The following SMOC2 variants were observed in gnomAD, a reference collection of about 807,000 sequenced individuals.
SMOC2 encodes SPARC-related modular calcium-binding protein 2.
A neutral mutation model predicts 61.4 loss-of-function variants in SMOC2; 39 were observed. The observed-to-expected ratio is 0.64, with a 90% CI of 0.49 to 0.83. SMOC2 has a LOEUF of 0.83. Among genes scored for constraint, SMOC2 ranks in the 40% least tolerant of loss-of-function variants. The pLI is 0.00. For synonymous variants in SMOC2, 247 were observed against 239.9 expected (o/e 1.03, Z -0.27); for missense variants, 556 against 592.9 (o/e 0.94, Z 0.65).
intron 3 of SMOC2, among the ~76,000 whole-genome samples, chr6:168,527,049 C>A (rs1400949558): frequency 1.3e-5 from 2 of 152,178 alleles, no homozygotes; most frequent in African/African-American, 4.8e-5. Context: ...GCAGAAAGAG[C>A]AGAAAAAACA....
At chr6:168,523,079 A>ATTCTTTTTTT (rs551183247) in intron 2 of SMOC2, among the ~76,000 whole-genome samples, 3,590 of 93,554 alleles carry the variant, frequency 0.038, 1,118 homozygotes, top group East Asian at 0.21. Flanking sequence ...TTGTACAGTA[A>ATTCTTTTTTT]TTTTTTTTTT....
At chr6:168,516,704 G>A (rs568016276) in intron 2 of SMOC2, among the ~76,000 whole-genome samples, 4 of 152,150 alleles carry the variant, frequency 2.6e-5, no homozygotes, top group Non-Finnish European at 4.4e-5. Flanking sequence ...CGCACATGCT[G>A]TTATTATTAA....
At chr6:168,583,168 A>C (rs1333105849) in intron 7 of SMOC2, among the ~76,000 whole-genome samples, 2 of 152,096 alleles carry the variant, frequency 1.3e-5, no homozygotes, top group Non-Finnish European at 2.9e-5. Flanking sequence ...AGGTGGAAGG[A>C]AAAAAACTAA....
intron 1 of SMOC2, among the ~76,000 whole-genome samples, chr6:168,463,127 T>C (rs56296467): frequency 0.25 from 38,602 of 152,164 alleles, 5,018 homozygotes; most frequent in Admixed American, 0.35. Flanking sequence ...GGGGCTCTGC[T>C]CCCACTGGGG....
intron 7 of SMOC2, among the ~76,000 whole-genome samples, chr6:168,557,086 G>C (rs1401606802): frequency 6.6e-6 from 1 of 151,932 alleles, no homozygotes; most frequent in Non-Finnish European, 1.5e-5. Flanking sequence ...TTTTGATTCT[G>C]CTTTAAATCA....
At chr6:168,573,855 T>C (rs1242168750) in intron 7 of SMOC2, among the ~76,000 whole-genome samples, 1 of 152,148 alleles carries the variant, frequency 6.6e-6, no homozygotes, top group Non-Finnish European at 1.5e-5. Context: ...TGTTTTTGTT[T>C]TAAAATAGAA....
At chr6:168,574,858 G>T (rs1436449536) in intron 7 of SMOC2, among the ~76,000 whole-genome samples, 2 of 152,158 alleles carry the variant, frequency 1.3e-5, no homozygotes, top group Non-Finnish European at 2.9e-5. Flanking sequence ...GGTGACATGG[G>T]GGCCGGCCAC....
At chr6:168,622,749 T>A (rs769117912) in intron 9 of SMOC2, among the ~76,000 whole-genome samples, 6 of 152,110 alleles carry the variant, frequency 3.9e-5, no homozygotes, top group Non-Finnish European at 8.8e-5. Flanking sequence ...GAGAGCCTCC[T>A]TCACAGGGGG....
At chr6:168,447,830 CAAA>C (rs58077336) in intron 1 of SMOC2, among the ~76,000 whole-genome samples, 4 of 93,482 alleles carry the variant, frequency 4.3e-5, no homozygotes, top group Admixed American at 1.1e-4. Flanking sequence ...AGTTTGTTGG[CAAA>C]AAAAAAAAAA....
chr6:168,576,995 A>C (rs1283575196), intron 7 of SMOC2, among the ~76,000 whole-genome samples: 1 of 151,010 alleles, frequency 6.6e-6, no homozygotes, highest in Non-Finnish European at 1.5e-5. Context: ...TGGAAGGTGA[A>C]TTCCAGCCAC....
At chr6:168,478,169 C>G (rs1351371232) in intron 1 of SMOC2, among the ~76,000 whole-genome samples, 1 of 152,082 alleles carries the variant, frequency 6.6e-6, no homozygotes, top group Non-Finnish European at 1.5e-5. Flanking sequence ...GGGTGATGTA[C>G]AAGAGTCCTG....
intron 9 of SMOC2, among the ~76,000 whole-genome samples, chr6:168,630,949 A>G (rs570286335): frequency 1.3e-5 from 2 of 152,192 alleles, no homozygotes; most frequent in Admixed American, 6.5e-5. Context: ...ATCAATGACA[A>G]TGGTGCCCAA....
intron 1 of SMOC2, among the ~76,000 whole-genome samples, chr6:168,481,704 C>A (rs1782210501): frequency 2.0e-5 from 3 of 151,908 alleles, no homozygotes. Flanking sequence ...AGATTAATCT[C>A]TCCAATTAAA....
intron 5 of SMOC2, 63 bp from the exon 6 acceptor site, chr6:168,547,056 C>T (rs1784020561): frequency 6.2e-7 from 1 of 1,605,526 alleles, no homozygotes; most frequent in Non-Finnish European, 8.5e-7. Flanking sequence ...CCCGTATGCA[C>T]ACTTACTTAA....
chr6:168,457,458 C>T (rs1391240941), intron 1 of SMOC2, among the ~76,000 whole-genome samples: 3 of 152,222 alleles, frequency 2.0e-5, no homozygotes, highest in Non-Finnish European at 4.4e-5. Flanking sequence ...GTGACTTCAT[C>T]GCCTTGTGTT....
chr6:168,449,196 C>T (rs952616802), intron 1 of SMOC2, among the ~76,000 whole-genome samples: 5 of 152,122 alleles, frequency 3.3e-5, no homozygotes, highest in Non-Finnish European at 7.3e-5. Context: ...TCCACCCACA[C>T]GCTTGCCCCC....
intron 1 of SMOC2, among the ~76,000 whole-genome samples, chr6:168,464,176 G>A (rs1337579951): frequency 2.0e-5 from 2 of 98,964 alleles, no homozygotes; most frequent in African/African-American, 4.4e-5. Flanking sequence ...GGGCAACAGA[G>A]CAAGACTGTC....
At chr6:168,543,860 G>A (rs1487994157) in intron 5 of SMOC2, among the ~76,000 whole-genome samples, 188 bp downstream of exon 5, 7 of 152,096 alleles carry the variant, frequency 4.6e-5, no homozygotes, top group African/African-American at 1.2e-4. Context: ...CCTGTGCTCC[G>A]CTGGGGTCGC....
intron 9 of SMOC2, among the ~76,000 whole-genome samples, chr6:168,626,294 G>A (rs1264544529): frequency 6.6e-6 from 1 of 152,200 alleles, no homozygotes; most frequent in African/African-American, 2.4e-5. Context: ...ACTGTGGCTT[G>A]GGGTGTGAGG....
Sources: gnomAD v4.1 joint callset for allele counts (sites outside exome capture counted in the v4.1 genomes callset) on GRCh38, gnomAD v4.1.1 for gene constraint, MANE v1.5 for transcripts, NCBI Gene and HGNC (gene_info 2026-07-23, HGNC 2026-07-21) for gene names.